The following SCN3B variants were observed in gnomAD, a reference collection of about 807,000 sequenced individuals.
The protein encoded by SCN3B is sodium channel regulatory subunit beta-3.
In SCN3B, 11 loss-of-function variants were observed where a neutral mutation model predicts 25.4. The ratio of observed to expected loss-of-function variants is 0.43; its 90% CI spans 0.27 to 0.72. The LOEUF (loss-of-function observed/expected upper bound fraction) is 0.72, where lower values mean the gene tolerates loss of function less well. Ranked by LOEUF, SCN3B falls within the 30% of genes least tolerant of loss-of-function variation. The pLI, the probability that SCN3B is intolerant of heterozygous loss-of-function variation, is 0.18. For synonymous variants in SCN3B, 109 were observed against 110.7 expected (o/e 0.99, Z 0.09); for missense variants, 218 against 278.3 (o/e 0.78, Z 1.54).
chr11:123,652,911 CAT>C (rs1222356391), intron 2 of SCN3B, among the ~76,000 whole-genome samples: 31 of 152,180 alleles, frequency 2.0e-4, no homozygotes, highest in African/African-American at 7.5e-4. Flanking sequence ...CACAATCAGA[CAT>C]TATCACATAG....
At position 123,648,506 on chromosome 11, in the gene SCN3B, A is replaced by G. The variant is rs76274087; in HGVS notation, c.56-2756T>C. Among the ~76,000 whole-genome samples the G allele has an allele frequency of 2.3e-3, 343 of 152,338 alleles. 2 individuals carry two copies. Among genetic ancestry groups the G allele is most frequent in the Non-Finnish European group, 3.1e-3 (213 of 68,022 alleles). Reference sequence around the variant, plus strand: ...CTAAGCACGAAGAATACACCAGAGAACAAAAGAAAAGAATCCCTGTTTTAT... The same window carrying G: ...CTAAGCACGAAGAATACACCAGAGAGCAAAAGAAAAGAATCCCTGTTTTAT... On this transcript the variant is annotated intron_variant, in intron 2 of 6. Transcript: ENST00000299333.
intron 2 of SCN3B, among the ~76,000 whole-genome samples, chr11:123,652,793 C>T (rs1316724245): frequency 3.9e-5 from 6 of 151,906 alleles, no homozygotes; most frequent in African/African-American, 1.5e-4. Context: ...CATACTACTA[C>T]ACTCACCCAT....
rs767283681 is a variant in SCN3B, at chr11:123,642,576, G to T, written c.315C>A (p.Ile105=). The T allele has an allele frequency of 3.1e-6, 5 of 1,614,218 alleles. No homozygotes were observed. The highest frequency in any genetic ancestry group is 3.4e-6 in the Non-Finnish European group (4 of 1,180,036). Reference sequence around the variant, plus strand: ...CGTTCAGAGTGACGTTGAGCACAGTGATGGACACGTCCTGCAGGTCCTTGC... The same window carrying T: ...CGTTCAGAGTGACGTTGAGCACAGTTATGGACACGTCCTGCAGGTCCTTGC... ...NGSKDLQDVS[I]TVLNVTLNDS... is the part of the protein sequence containing the mutation. Residue 105 remains isoleucine, a synonymous_variant, in exon 4 of 7, where the codon ATC becomes ATA. Coordinates refer to ENST00000299333, the MANE Select transcript of SCN3B (RefSeq NM_001040151.2). The surrounding 1 kb of genome is among the most constrained non-coding windows in gnomAD (Gnocchi z 4.3).
chr11:123,634,773 T>C (rs1955708165), intron 5 of SCN3B, among the ~76,000 whole-genome samples: 1 of 152,250 alleles, frequency 6.6e-6, no homozygotes, highest in Non-Finnish European at 1.5e-5. Flanking sequence ...TGTGAAATTA[T>C]ATTTTATAGT....
chr11:123,641,650 G>A (rs1173005101), intron 4 of SCN3B, among the ~76,000 whole-genome samples: 1 of 152,164 alleles, frequency 6.6e-6, no homozygotes, highest in African/African-American at 2.4e-5. Flanking sequence ...AAACACCTGA[G>A]TTAGGCTGCT....
chr11:123,645,238 T>C lies in SCN3B; in HGVS notation c.219+349A>G, dbSNP rs573002040. Among the ~76,000 whole-genome samples the C allele has an allele frequency of 1.6e-4, 24 of 152,280 alleles. 1 individual carries two copies. Among genetic ancestry groups the C allele is most frequent in the African/African-American group, 4.6e-4 (19 of 41,552 alleles). On this transcript the variant is annotated intron_variant, in intron 3 of 6. Coordinates refer to ENST00000299333, the MANE Select transcript of SCN3B (RefSeq NM_001040151.2). ...ATAATGATGCTTTGTGTTATTCCAATTTCTTTATGAATTTAATGCATATAA... is the reference window on the plus strand; with the variant it reads ...ATAATGATGCTTTGTGTTATTCCAACTTCTTTATGAATTTAATGCATATAA...
chr11:123,648,294 A>T (rs1279443282), intron 2 of SCN3B, among the ~76,000 whole-genome samples: 4 of 152,220 alleles, frequency 2.6e-5, no homozygotes, highest in Non-Finnish European at 5.9e-5. Flanking sequence ...GTACTATGTA[A>T]TCTCTCTGGA....
chr11:123,652,426 T>C (rs1387958640), intron 2 of SCN3B, among the ~76,000 whole-genome samples: 2 of 152,226 alleles, frequency 1.3e-5, no homozygotes, highest in Non-Finnish European at 1.5e-5. Flanking sequence ...GAAGCTTGGC[T>C]CTGCCTCTGG....
At chr11:123,647,944 G>A (rs1002925004) in intron 2 of SCN3B, among the ~76,000 whole-genome samples, 13 of 152,242 alleles carry the variant, frequency 8.5e-5, no homozygotes, top group Non-Finnish European at 1.3e-4. Flanking sequence ...GGTGAGCCAC[G>A]TTAATGGAGA....
rs971117039 is a variant in SCN3B at position 123,638,428 on chromosome 11, A to C, written c.446-104T>G. 5 of 1,475,802 alleles carry C rather than the reference A, an allele frequency of 3.4e-6. 1 individual carries two copies. The African/African-American group carries it at 6.9e-5, about 21-fold the overall frequency. 91.4% of individuals were successfully genotyped at this position (1,475,802 alleles called of 1,614,324 possible). A position where few individuals can be genotyped will look rare whatever the true frequency, so the allele number is the denominator to read the frequency against. ...CAGCTTAAATAAAGACTGAGTAAAG[A>C]AACTCAAGAAGATGTCAAAGGTATT... is the stretch of plus-strand genomic sequence containing the variant. On this transcript the variant is annotated intron_variant, in intron 4 of 6. Transcript: ENST00000299333.
chr11:123,653,895 C>G lies in SCN3B; in HGVS notation c.-25-69G>C, dbSNP rs1955961728. On this transcript the variant is annotated intron_variant, in intron 1 of 6. Coordinates refer to ENST00000299333, the MANE Select transcript of SCN3B (RefSeq NM_001040151.2). ...ATTCTTTCGAGGAAACCCTTTGGGA[C>G]GAACTGCCCCCAGGGGGCGACTTTC... is the stretch of plus-strand genomic sequence containing the variant. 3 of 1,429,046 alleles carry G rather than the reference C, an allele frequency of 2.1e-6. No individual in the cohort carries two copies. The East Asian group carries it at 6.8e-5, about 32-fold the overall frequency. The allele number at this position is 1,429,046 out of a possible 1,614,324, so 88.5% of individuals were successfully genotyped here.
chr11:123,638,080 A>G (rs1285334392), intron 5 of SCN3B, 106 bp downstream of exon 5: 2 of 1,323,844 alleles, frequency 1.5e-6, no homozygotes, highest in Non-Finnish European at 2.1e-6. Context: ...AGCAGTGATC[A>G]TGAAGAGGGT....
At chr11:123,645,872 ACCTG>A in intron 2 of SCN3B, 122 bp from the exon 3 acceptor site, 1 of 1,177,798 alleles carries the variant, frequency 8.5e-7, no homozygotes, top group Admixed American at 1.9e-5. Context: ...CATGAGGCCA[ACCTG>A]AAAAAAGCCA....
rs1361225362 is a variant in SCN3B, at chr11:123,653,752, T to C, written c.50A>G (p.Tyr17Cys). The C allele has an allele frequency of 3.7e-6, 6 of 1,614,066 alleles. No homozygotes were observed. Among genetic ancestry groups the C allele is most frequent in the South Asian group, 2.2e-5 (2 of 91,088 alleles). ...GGCGAGGTGCTGGTACTTACCCCAG[T>C]AGATAAGCACGAGAGAAGCCAGGGG... is the stretch of plus-strand genomic sequence containing the variant. ...LFPLASLVLI[Y>C]WVSVCFPVCV... Residue 17 changes from tyrosine to cysteine, a missense_variant, in exon 2 of 7, where the codon TAC becomes TGC. Coordinates refer to ENST00000299333, the MANE Select transcript of SCN3B (RefSeq NM_001040151.2).
intron 2 of SCN3B, among the ~76,000 whole-genome samples, chr11:123,649,441 C>T (rs1179664796): frequency 6.6e-6 from 1 of 152,104 alleles, no homozygotes; most frequent in African/African-American, 2.4e-5. Flanking sequence ...GAGAACTCTG[C>T]TCGTATGATC....
chr11:123,644,800 A>AGAGAGAGAGAATATATAT (rs1272015067), intron 3 of SCN3B, among the ~76,000 whole-genome samples: 1 of 45,578 alleles, frequency 2.2e-5, no homozygotes, highest in African/African-American at 7.8e-5. Context: ...AGAGAGAGAG[A>AGAGAGAGAGAATATATAT]ATATATATAT....
intron 4 of SCN3B, chr11:123,639,522 ACCCACCACCATG>A (rs1330516405): frequency 6.6e-6 from 1 of 152,142 alleles, no homozygotes; most frequent in Non-Finnish European, 1.5e-5. Flanking sequence ...CATTACAGGC[ACCCACCACCATG>A]CCCAGCTAAT....
intron 4 of SCN3B, among the ~76,000 whole-genome samples, chr11:123,641,844 G>A (rs1175697688): frequency 6.6e-6 from 1 of 152,206 alleles, no homozygotes; most frequent in Admixed American, 6.5e-5. Context: ...AAGAAAAAAA[G>A]ATTGTCAAAC....
chr11:123,634,884 C>T (rs977052892), intron 5 of SCN3B, among the ~76,000 whole-genome samples: 12 of 152,114 alleles, frequency 7.9e-5, no homozygotes, highest in Admixed American at 1.3e-4. Flanking sequence ...ATTGATTTTC[C>T]TTTGATGCTT....
Sources: allele counts gnomAD v4.1 joint callset (sites outside exome capture counted in the v4.1 genomes callset), GRCh38; gene constraint gnomAD v4.1.1; non-coding constraint Gnocchi (gnomAD v3.1); transcripts MANE v1.5; gene names NCBI Gene and HGNC (gene_info 2026-07-23, HGNC 2026-07-21).